MYO3A: variants seen among roughly 807,000 people sequenced by gnomAD.
MYO3A encodes myosin IIIA.
A neutral mutation model predicts 192.7 loss-of-function variants in MYO3A; 180 were observed. The ratio of observed to expected loss-of-function variants is 0.93; its 90% CI spans 0.83 to 1.06. MYO3A has a LOEUF of 1.06. Among genes scored for constraint, MYO3A ranks in the 50% least tolerant of loss-of-function variants. The pLI is 0.00. For missense variants in MYO3A, 1,896 were observed against 1,905.0 expected (o/e 1.00, Z 0.09); for synonymous variants, 628 against 645.3 (o/e 0.97, Z 0.41).
Position 26,070,161 on chromosome 10 carries a change from T to G in MYO3A, c.1221T>G (p.Ile407Met), listed in dbSNP as rs1395777258. ...GSKRTASPPH[I>M]FAMADLGYQS... is the part of the protein sequence containing the mutation. ...AGAGAACTGCCAGTCCTCCTCACAT[T>G]TTTGCAATGGCTGACTTAGGATATC... Residue 407 changes from isoleucine to methionine, a missense_variant, in exon 13 of 35, where the codon ATT (isoleucine) becomes ATG (methionine). Physicochemically the swap from Ile to Met is conservative, Grantham distance 10 (BLOSUM62 1). Transcript: ENST00000642920. 2 of 1,612,716 alleles carry G rather than the reference T, an allele frequency of 1.2e-6. No homozygotes were observed. Among genetic ancestry groups the G allele is most frequent in the Admixed American group, 3.3e-5 (2 of 60,012 alleles).
chr10:26,112,998 T>G (rs574949529), intron 17 of MYO3A, among the ~76,000 whole-genome samples: 18 of 152,232 alleles, frequency 1.2e-4, no homozygotes, highest in African/African-American at 4.3e-4. Flanking sequence ...ATGCCTTTTT[T>G]CTGTTTTAAT....
chr10:26,154,314 T>C (rs1449099617), intron 24 of MYO3A, among the ~76,000 whole-genome samples: 2 of 152,152 alleles, frequency 1.3e-5, no homozygotes, highest in Non-Finnish European at 2.9e-5. Context: ...CCTGATTAGC[T>C]GGGATTACAG....
At chr10:26,047,113 T>C (rs1206327047) in intron 10 of MYO3A, among the ~76,000 whole-genome samples, 1 of 152,230 alleles carries the variant, frequency 6.6e-6, no homozygotes, top group East Asian at 1.9e-4. Flanking sequence ...AAAATATTTG[T>C]ACATTTTCTT....
At chr10:26,143,187 C>T (rs983177626) in intron 20 of MYO3A, among the ~76,000 whole-genome samples, 2 of 151,870 alleles carry the variant, frequency 1.3e-5, no homozygotes, top group South Asian at 2.1e-4. Context: ...AAAAATTAGC[C>T]GGGCATGGTG....
chr10:26,180,825 A>G (rs1054450909), intron 31 of MYO3A, among the ~76,000 whole-genome samples: 66 of 152,264 alleles, frequency 4.3e-4, no homozygotes, highest in African/African-American at 1.5e-3. Context: ...TGAAAGATAA[A>G]ATACGGTAAA....
intron 19 of MYO3A, among the ~76,000 whole-genome samples, chr10:26,127,025 T>TA (rs763176663): frequency 6.6e-6 from 1 of 152,206 alleles, no homozygotes; most frequent in Non-Finnish European, 1.5e-5. Flanking sequence ...CTGGGCAACT[T>TA]ACTGCATTTG....
intron 17 of MYO3A, among the ~76,000 whole-genome samples, chr10:26,114,502 G>A (rs572346584): frequency 2.0e-5 from 3 of 152,292 alleles, no homozygotes. Context: ...ACTTGGCTTA[G>A]TGAGATCTTT....
intron 14 of MYO3A, among the ~76,000 whole-genome samples, chr10:26,077,516 A>G (rs1248066212): frequency 2.0e-5 from 3 of 151,856 alleles, no homozygotes; most frequent in African/African-American, 7.3e-5. Flanking sequence ...TGCTCTGGCT[A>G]GGACTTCCAG....
intron 15 of MYO3A, among the ~76,000 whole-genome samples, chr10:26,092,133 C>G (rs1007817147): frequency 1.3e-5 from 2 of 152,174 alleles, no homozygotes; most frequent in African/African-American, 4.8e-5. Flanking sequence ...AAAGGAAAAA[C>G]TGAAAGTGTT....
chr10:26,210,434 A>G (rs567040503), intron 34 of MYO3A, among the ~76,000 whole-genome samples: 12 of 152,234 alleles, frequency 7.9e-5, no homozygotes, highest in African/African-American at 2.9e-4. Context: ...CCCACGTTTA[A>G]TCCATCAGTG....
intron 32 of MYO3A, among the ~76,000 whole-genome samples, chr10:26,200,618 C>T (rs1262711222): frequency 6.6e-6 from 1 of 152,092 alleles, no homozygotes; most frequent in African/African-American, 2.4e-5. Context: ...TGTTAGTGTT[C>T]GAATTGAAGT....
chr10:25,985,603 A>T (rs1588705469), intron 4 of MYO3A, among the ~76,000 whole-genome samples: 1 of 152,190 alleles, frequency 6.6e-6, no homozygotes, highest in African/African-American at 2.4e-5. Context: ...GAGGAGACAG[A>T]TAAATTCCTG....
intron 31 of MYO3A, among the ~76,000 whole-genome samples, chr10:26,180,539 A>G (rs1439397953): frequency 6.6e-6 from 1 of 152,198 alleles, no homozygotes. Flanking sequence ...AGCTTTTTCA[A>G]AAAGCATAAC....
At chr10:26,067,105 A>T in intron 11 of MYO3A, 31 bp downstream of exon 11, 1 of 1,420,278 alleles carries the variant, frequency 7.0e-7, no homozygotes, top group Non-Finnish European at 1.0e-6. Flanking sequence ...AAACTTAGAC[A>T]TTCCAGATGT....
intron 20 of MYO3A, among the ~76,000 whole-genome samples, chr10:26,137,056 G>T (rs1007720565): frequency 6.6e-6 from 1 of 152,024 alleles, no homozygotes; most frequent in Non-Finnish European, 1.5e-5. Context: ...GTAAGTACAG[G>T]TTGATTGGTC....
At chr10:26,059,976 G>A (rs868632403) in intron 10 of MYO3A, among the ~76,000 whole-genome samples, 25 of 152,094 alleles carry the variant, frequency 1.6e-4, no homozygotes, top group African/African-American at 5.3e-4. Flanking sequence ...ACAAAACTTA[G>A]GCTGGGCGTG....
Position 26,174,671 on chromosome 10 carries a change from G to A in MYO3A, c.4293+114G>A, listed in dbSNP as rs11812370. ...TTGTTTTATCTGCGTTGATGGGCCCGCAAACATTTTTAATAAAATGTCTCA... is the reference window on the plus strand; with the variant it reads ...TTGTTTTATCTGCGTTGATGGGCCCACAAACATTTTTAATAAAATGTCTCA... On this transcript the variant is annotated intron_variant, in intron 30 of 34. Transcript: ENST00000642920. 0.11 allele frequency: 92,595 copies of A among 873,754 alleles called. 5,702 individuals carry two copies. The highest frequency in any genetic ancestry group is 0.17 in the African/African-American group (10,078 of 58,502). 54.1% of individuals were successfully genotyped at this position (873,754 alleles called of 1,614,324 possible). A position where few individuals can be genotyped will look rare whatever the true frequency, so the allele number is the denominator to read the frequency against.
chr10:25,967,153 A>G (rs761346970), intron 4 of MYO3A, among the ~76,000 whole-genome samples: 3 of 152,266 alleles, frequency 2.0e-5, no homozygotes, highest in Non-Finnish European at 2.9e-5. Context: ...AAGATTATCT[A>G]CACAATCTAA....
chr10:26,120,486 C>G (rs1441985594), intron 17 of MYO3A, among the ~76,000 whole-genome samples, 190 bp from the exon 18 acceptor site: 2 of 151,996 alleles, frequency 1.3e-5, no homozygotes, highest in African/African-American at 2.4e-5. Flanking sequence ...GTAACAGGCA[C>G]TATGCTAACC....
Sources: allele counts gnomAD v4.1 joint callset (sites outside exome capture counted in the v4.1 genomes callset), GRCh38; gene constraint gnomAD v4.1.1; transcripts MANE v1.5; gene names NCBI Gene and HGNC (gene_info 2026-07-23, HGNC 2026-07-21).